Variants in SENP7 observed in about 807,000 individuals in gnomAD.
SENP7 encodes sentrin-specific protease 7.
Under a neutral mutation model 141.2 loss-of-function variants are expected in SENP7, and 64 were observed. The ratio of observed to expected loss-of-function variants is 0.45; its 90% confidence interval spans 0.37 to 0.56. The LOEUF is 0.56. Among genes scored for constraint, SENP7 ranks in the 20% least tolerant of loss-of-function variants. The pLI, the probability that SENP7 is intolerant of heterozygous loss-of-function variation, is 0.00. For missense variants in SENP7, 1,025 were observed against 1,212.2 expected (o/e 0.85, Z 2.29); for synonymous variants, 382 against 426.4 (o/e 0.90, Z 1.28).
At chr3:101,434,381 T>C (rs2062304101) in intron 4 of SENP7, among the ~76,000 whole-genome samples, 1 of 150,826 alleles carries the variant, frequency 6.6e-6, no homozygotes, top group Non-Finnish European at 1.5e-5. Context: ...AAAACTAAAA[T>C]AGCAAGAGCA....
In SENP7 at chr3:101,351,661, A is replaced by C; in HGVS notation, c.1624-10T>G. 7.4e-7 allele frequency: 1 copy of C among 1,350,400 alleles called. No homozygotes were observed. The highest frequency in any genetic ancestry group is 9.7e-7 in the Non-Finnish European group (1 of 1,033,022). The allele number at this position is 1,350,400 out of a possible 1,614,324, so 83.7% of individuals were successfully genotyped here. On this transcript the variant is annotated splice_polypyrimidine_tract_variant and intron_variant, in intron 11 of 23. Coordinates refer to ENST00000394095, the MANE Select transcript of SENP7 (RefSeq NM_020654.5). ...TATATTTTTTTGTGATCTGAAGAAA[A>C]AATTAAAAAGCAAACAATGAGTTAC...
At chr3:101,394,336 T>C (rs752647424) in intron 6 of SENP7, among the ~76,000 whole-genome samples, 39 of 152,198 alleles carry the variant, frequency 2.6e-4, no homozygotes, top group Non-Finnish European at 4.6e-4. Context: ...CGTATTTCCA[T>C]TATCCACTGA....
intron 1 of SENP7, among the ~76,000 whole-genome samples, chr3:101,503,192 A>T (rs1346136335): frequency 9.9e-5 from 15 of 152,224 alleles, no homozygotes; most frequent in Admixed American, 9.2e-4. Flanking sequence ...GAAATGCAAA[A>T]TTTAAATGGC....
intron 20 of SENP7, among the ~76,000 whole-genome samples, chr3:101,329,528 T>C (rs2058990920): frequency 6.6e-6 from 1 of 152,080 alleles, no homozygotes; most frequent in Admixed American, 6.5e-5. Context: ...TTTAGAACAC[T>C]GAATCTAGGC....
At chr3:101,445,317 T>C (rs771886321) in intron 4 of SENP7, among the ~76,000 whole-genome samples, 18 of 152,126 alleles carry the variant, frequency 1.2e-4, no homozygotes, top group Non-Finnish European at 5.9e-5. Context: ...TGACTGATGC[T>C]GTGAAAAATG....
chr3:101,342,468 T>G (rs973354827), intron 14 of SENP7, among the ~76,000 whole-genome samples: 1 of 152,024 alleles, frequency 6.6e-6, no homozygotes, highest in Non-Finnish European at 1.5e-5. Flanking sequence ...TACAAAAGAG[T>G]TGAAAGAAAT....
chr3:101,455,225 A>T (rs895443489), intron 4 of SENP7, among the ~76,000 whole-genome samples: 1 of 152,134 alleles, frequency 6.6e-6, no homozygotes, highest in Admixed American at 6.5e-5. Flanking sequence ...TAAAACAAAA[A>T]TTTAAGTCTG....
chr3:101,448,890 A>G (rs2063003982), intron 4 of SENP7, among the ~76,000 whole-genome samples: 1 of 152,208 alleles, frequency 6.6e-6, no homozygotes, highest in Admixed American at 6.5e-5. Flanking sequence ...GACTTTGACG[A>G]GTTGAGAGAA....
At chr3:101,358,110 A>AG (rs2059792863) in intron 11 of SENP7, 2 of 535,232 alleles carry the variant, frequency 3.7e-6, no homozygotes, top group African/African-American at 2.0e-5. Context: ...AATGTGGCAA[A>AG]ATTTTAACTG....
intron 10 of SENP7, among the ~76,000 whole-genome samples, chr3:101,362,205 T>C (rs957986259): frequency 2.0e-5 from 3 of 152,212 alleles, no homozygotes; most frequent in Non-Finnish European, 2.9e-5. Context: ...TAAACATATA[T>C]TGTACTTTTG....
intron 12 of SENP7, among the ~76,000 whole-genome samples, chr3:101,349,494 C>T (rs893779891): frequency 6.6e-6 from 1 of 152,030 alleles, no homozygotes; most frequent in Non-Finnish European, 1.5e-5. Flanking sequence ...TGAGTGAGAA[C>T]ATGTGGTGTT....
chr3:101,457,455 C>A, intron 4 of SENP7: 7 of 1,601,808 alleles, frequency 4.4e-6, no homozygotes, highest in Non-Finnish European at 6.0e-6. Context: ...CTCGGCATGG[C>A]CTGTAATGGT....
At chr3:101,484,311 T>C (rs964364699) in intron 3 of SENP7, among the ~76,000 whole-genome samples, 1 of 152,170 alleles carries the variant, frequency 6.6e-6, no homozygotes, top group South Asian at 2.1e-4. Context: ...AGGACTGTTA[T>C]CTAAATATAC....
intron 2 of SENP7, among the ~76,000 whole-genome samples, chr3:101,495,191 G>A (rs1004005226): frequency 2.6e-5 from 4 of 152,108 alleles, no homozygotes; most frequent in East Asian, 1.9e-4. Context: ...AAATCAAAAC[G>A]ACAACGAGAC....
intron 4 of SENP7, among the ~76,000 whole-genome samples, chr3:101,425,380 G>A (rs544877233): frequency 6.6e-6 from 1 of 152,284 alleles, no homozygotes; most frequent in South Asian, 2.1e-4. Flanking sequence ...AGAGCACACA[G>A]TCCAGGAGAA....
At chr3:101,357,157 T>C (rs1445005764) in intron 11 of SENP7, 4 of 182,960 alleles carry the variant, frequency 2.2e-5, no homozygotes, top group East Asian at 1.7e-4. Flanking sequence ...TGCCCCACCA[T>C]GCCCAGTCAA....
chr3:101,413,445 A>G (rs2061509588), intron 5 of SENP7, among the ~76,000 whole-genome samples: 1 of 152,226 alleles, frequency 6.6e-6, no homozygotes, highest in Non-Finnish European at 1.5e-5. Flanking sequence ...TTAGACAAAG[A>G]GTCTAGAGAT....
At chr3:101,498,109 T>C (rs2065232285) in intron 2 of SENP7, among the ~76,000 whole-genome samples, 2 of 152,068 alleles carry the variant, frequency 1.3e-5, no homozygotes, top group African/African-American at 4.8e-5. Flanking sequence ...TATAGAAGAA[T>C]TTACATTCAT....
intron 4 of SENP7, among the ~76,000 whole-genome samples, chr3:101,423,609 A>G (rs2061854491): frequency 6.6e-6 from 1 of 152,202 alleles, no homozygotes; most frequent in Non-Finnish European, 1.5e-5. Context: ...AGACACAGCC[A>G]AGTGGAATGG....
Sources: gnomAD v4.1 joint callset for allele counts (sites outside exome capture counted in the v4.1 genomes callset) on GRCh38, gnomAD v4.1.1 for gene constraint, MANE v1.5 for transcripts, NCBI Gene and HGNC (gene_info 2026-07-23, HGNC 2026-07-21) for gene names.